The following RBM25 variants were observed in gnomAD, a reference collection of about 807,000 sequenced individuals.
RBM25 encodes the protein RNA binding motif protein 25.
In RBM25, 19 loss-of-function variants were observed where a neutral mutation model predicts 120.7. That is an observed-to-expected ratio of 0.16 (90% CI 0.11 to 0.23). The LOEUF is 0.23. Ranked by LOEUF, RBM25 falls within the 10% of genes least tolerant of loss-of-function variation. The pLI is 1.00. For synonymous variants in RBM25, 390 were observed against 326.7 expected, an observed-to-expected ratio of 1.19 and a Z score of -2.09; for missense variants, 605 against 1,041.5, an observed-to-expected ratio of 0.58 and a Z score of 5.77.
chr14:73,068,224 G>T, intron 1 of RBM25: 1 of 857,826 alleles, frequency 1.2e-6, no homozygotes, highest in Non-Finnish European at 2.0e-6. Flanking sequence ...CATTGATACA[G>T]ATGAGAAATG....
chr14:73,091,629 T>C (rs1453720411), intron 6 of RBM25, among the ~76,000 whole-genome samples: 4 of 152,070 alleles, frequency 2.6e-5, no homozygotes, highest in African/African-American at 4.8e-5. Context: ...CCCAACACTT[T>C]GGGAGGCCGA....
At position 73,097,072 on chromosome 14, in the gene RBM25, GGAA is replaced by G. The variant is rs572219342; in HGVS notation, c.712_714del (p.Lys238del). On this transcript the variant is annotated inframe_deletion, in exon 7 of 19. Coordinates refer to ENST00000261973, the MANE Select transcript of RBM25 (RefSeq NM_021239.3). ...TCACAGGAATCTGATTCTCACCCCA[GGAA>G]GAAGAAGAAGGAAAAGAAGGAGGAC... The G allele has an allele frequency of 6.2e-6, 10 of 1,610,078 alleles. No homozygotes were observed. Among genetic ancestry groups the G allele is most frequent in the Admixed American group, 5.1e-5 (3 of 58,874 alleles).
chr14:73,103,498 A>T lies in RBM25; in HGVS notation c.1154+20A>T, dbSNP rs771753922. 4 of 1,547,976 alleles carry T rather than the reference A, an allele frequency of 2.6e-6. No homozygotes were observed. The highest frequency in any genetic ancestry group is 2.8e-5 in the African/African-American group (2 of 72,138). ...ATCAAGGTAAGGCTTTACAGAAGTT[A>T]CTGTTTCCTGATAGCTTTAAGAAAA... On this transcript the variant is annotated intron_variant, in intron 10 of 18. Coordinates refer to ENST00000261973, the MANE Select transcript of RBM25 (RefSeq NM_021239.3).
At chr14:73,101,502 A>G (rs1457130571) in intron 9 of RBM25, 4 of 143,298 alleles carry the variant, frequency 2.8e-5, no homozygotes. Context: ...CTGTATTTGT[A>G]TACATGTGTG....
chr14:73,067,216 C>T (rs1024544193), intron 1 of RBM25, among the ~76,000 whole-genome samples: 1 of 151,186 alleles, frequency 6.6e-6, no homozygotes, highest in Non-Finnish European at 1.5e-5. Flanking sequence ...ACTACAGGCA[C>T]CTGCCATCAC....
intron 18 of RBM25, among the ~76,000 whole-genome samples, chr14:73,114,681 G>T (rs926695433): frequency 1.3e-5 from 2 of 152,156 alleles, no homozygotes; most frequent in East Asian, 1.9e-4. Context: ...GGATCACAAG[G>T]TCAAGAGATC....
At chr14:73,115,189 T>TGTGTGTGTGTGTGTG (rs1555347335) in intron 18 of RBM25, among the ~76,000 whole-genome samples, 1 of 147,618 alleles carries the variant, frequency 6.8e-6, no homozygotes, top group African/African-American at 2.5e-5. Flanking sequence ...TGTGTGTGTG[T>TGTGTGTGTGTGTGTG]TTTAAGTCGG....
intron 1 of RBM25, chr14:73,059,137 G>GC (rs894699056): frequency 2.6e-5 from 4 of 152,224 alleles, no homozygotes; most frequent in African/African-American, 9.7e-5. Flanking sequence ...CCCAGCCGTT[G>GC]CCTTGAAGTT....
chr14:73,099,629 T>C, intron 8 of RBM25, 38 bp from the exon 9 acceptor site: 1 of 1,589,202 alleles, frequency 6.3e-7, no homozygotes, highest in Non-Finnish European at 8.5e-7. Flanking sequence ...AAGTAGGGTG[T>C]TCTTTATTCA....
Position 73,083,488 on chromosome 14 carries a change from T to C in RBM25, c.325-6T>C. On this transcript the variant is annotated splice_polypyrimidine_tract_variant and splice_region_variant and intron_variant, in intron 4 of 18. Coordinates refer to ENST00000261973, the MANE Select transcript of RBM25 (RefSeq NM_021239.3). ...AGCAATCTGTTTGTTTTGTTTTCTT[T>C]TTAAGAAATGTGGTTTGGTTTTGAG... 3.2e-6 allele frequency: 5 copies of C among 1,567,918 alleles called. No individual in the cohort carries two copies. The highest frequency in any genetic ancestry group is 4.3e-6 in the Non-Finnish European group (5 of 1,166,460).
At chr14:73,087,541 G>A (rs1215976702) in intron 5 of RBM25, among the ~76,000 whole-genome samples, 3 of 151,828 alleles carry the variant, frequency 2.0e-5, no homozygotes, top group Admixed American at 1.3e-4. Context: ...GACTACAGGC[G>A]CCCGCCACCG....
chr14:73,080,140 A>G (rs1335587349), intron 4 of RBM25, among the ~76,000 whole-genome samples: 1 of 149,426 alleles, frequency 6.7e-6, no homozygotes, highest in East Asian at 1.9e-4. Context: ...CTGCAGCTTT[A>G]CAAGATAATT....
At chr14:73,064,078 G>T (rs1457214870) in intron 1 of RBM25, among the ~76,000 whole-genome samples, 3 of 150,960 alleles carry the variant, frequency 2.0e-5, no homozygotes, top group Non-Finnish European at 3.0e-5. Context: ...TTAAATCTTT[G>T]TTCTAATCTT....
At chr14:73,117,859 G>T (rs1896467735) in intron 18 of RBM25, among the ~76,000 whole-genome samples, 1 of 152,126 alleles carries the variant, frequency 6.6e-6, no homozygotes, top group South Asian at 2.1e-4. Flanking sequence ...CATTTCTGGA[G>T]CACAGTCATA....
Position 73,119,959 on chromosome 14 carries a change from C to T in RBM25, c.*154C>T. The T allele has an allele frequency of 8.2e-6, 9 of 1,102,374 alleles. No individual in the cohort carries two copies. The highest frequency in any genetic ancestry group is 1.7e-5 in the South Asian group (1 of 57,586). The allele number at this position is 1,102,374 out of a possible 1,614,324, so 68.3% of individuals were successfully genotyped here. ...TTTTGGTCCTCTAATTTGTTGTTGCCCTGTGTACTCCCTTGGTTGTAAAGT... is the reference window on the plus strand; with the variant it reads ...TTTTGGTCCTCTAATTTGTTGTTGCTCTGTGTACTCCCTTGGTTGTAAAGT... On this transcript the variant is annotated 3_prime_UTR_variant, in exon 19 of 19. Coordinates refer to ENST00000261973, the MANE Select transcript of RBM25 (RefSeq NM_021239.3).
At chr14:73,111,497 T>C in intron 15 of RBM25, 31 bp from the exon 16 acceptor site, 1 of 1,544,174 alleles carries the variant, frequency 6.5e-7, no homozygotes, top group Non-Finnish European at 8.7e-7. Flanking sequence ...GGAAATTAAG[T>C]CATCTTGCTA....
rs1475144600 is a variant in RBM25 at position 73,103,097 on chromosome 14, G to C, written c.868-95G>C. On this transcript the variant is annotated intron_variant, in intron 9 of 18. Transcript: ENST00000261973. ...TTTAATATTAATGTATCAGTGGTTTGGTGTTTTTGTTCCCAGTACTGGGCT... is the reference window on the plus strand; with the variant it reads ...TTTAATATTAATGTATCAGTGGTTTCGTGTTTTTGTTCCCAGTACTGGGCT... The C allele has an allele frequency of 3.3e-6, 5 of 1,520,448 alleles. No homozygotes were observed. In the African/African-American group the frequency reaches 7.0e-5, roughly 21 times the overall value. The allele number at this position is 1,520,448 out of a possible 1,614,324, so 94.2% of individuals were successfully genotyped here. A position where few individuals can be genotyped will look rare whatever the true frequency, so the allele number is the denominator to read the frequency against.
At chr14:73,068,221 A>C in intron 1 of RBM25, 2 of 857,698 alleles carry the variant, frequency 2.3e-6, no homozygotes, top group Non-Finnish European at 4.0e-6. Flanking sequence ...TTCCATTGAT[A>C]CAGATGAGAA....
At chr14:73,081,835 G>C (rs578138557) in intron 4 of RBM25, among the ~76,000 whole-genome samples, 1 of 152,172 alleles carries the variant, frequency 6.6e-6, no homozygotes, top group Admixed American at 6.5e-5. Flanking sequence ...TGCTCTTTGT[G>C]TGTGAACTGT....
Sources: allele counts gnomAD v4.1 joint callset (sites outside exome capture counted in the v4.1 genomes callset), GRCh38; gene constraint gnomAD v4.1.1; transcripts MANE v1.5; gene names NCBI Gene and HGNC (gene_info 2026-07-23, HGNC 2026-07-21).